Variants in GPR149 observed in about 807,000 individuals in gnomAD.
The protein encoded by GPR149 is probable G protein-coupled receptor 149.
GPR149 carries 50 observed loss-of-function variants against 50.2 expected under a neutral mutation model. The ratio of observed to expected loss-of-function variants is 1.00; its 90% CI spans 0.79 to 1.26. The LOEUF (loss-of-function observed/expected upper bound fraction) is 1.26, where lower values mean the gene tolerates loss of function less well. GPR149 is among the 50% of genes most tolerant of loss of function. The pLI, the probability that GPR149 is intolerant of heterozygous loss-of-function variation, is 0.00. For synonymous variants in GPR149, 405 were observed against 358.2 expected (o/e 1.13, Z -1.48); for missense variants, 983 against 895.4 (o/e 1.10, Z -1.25).
intron 3 of GPR149, among the ~76,000 whole-genome samples, chr3:154,381,290 C>T (rs191914651): frequency 1.3e-4 from 20 of 152,236 alleles, no homozygotes; most frequent in East Asian, 7.7e-4. Flanking sequence ...TGATCTCATC[C>T]GTTCCATTCA....
intron 3 of GPR149, chr3:154,352,218 G>T: frequency 1.1e-6 from 1 of 896,128 alleles, no homozygotes; most frequent in Non-Finnish European, 1.7e-6. Context: ...TCGACTTCCT[G>T]AGTGACTCCC....
intron 3 of GPR149, among the ~76,000 whole-genome samples, chr3:154,365,527 A>G (rs370017285): frequency 2.0e-5 from 3 of 152,174 alleles, no homozygotes; most frequent in Non-Finnish European, 2.9e-5. Context: ...AATTTTTTCA[A>G]ATCTTTACCT....
chr3:154,394,611 A>G (rs1233074834), intron 3 of GPR149, among the ~76,000 whole-genome samples: 1 of 152,198 alleles, frequency 6.6e-6, no homozygotes, highest in Non-Finnish European at 1.5e-5. Flanking sequence ...GGTAACCTAC[A>G]GAATAGAAGA....
intron 3 of GPR149, among the ~76,000 whole-genome samples, chr3:154,344,677 A>T (rs965787965): frequency 1.3e-5 from 2 of 152,176 alleles, no homozygotes; most frequent in African/African-American, 4.8e-5. Context: ...GAAGATGCAG[A>T]TAACAATTGG....
At chr3:154,421,631 A>T (rs1321034154) in intron 2 of GPR149, 144 bp from the exon 3 acceptor site, 5 of 500,204 alleles carry the variant, frequency 1.0e-5, no homozygotes, top group Non-Finnish European at 1.4e-5. Flanking sequence ...TTTGTCAGTT[A>T]TGCAAAGAAA....
intron 3 of GPR149, among the ~76,000 whole-genome samples, chr3:154,383,968 T>C (rs768820448): frequency 6.6e-6 from 1 of 152,144 alleles, no homozygotes; most frequent in Non-Finnish European, 1.5e-5. Context: ...TCTTGGACTT[T>C]CCAGCCTCCA....
In GPR149 at chr3:154,337,679, C is replaced by A; in HGVS notation, c.*20G>T. On this transcript the variant is annotated 3_prime_UTR_variant, in exon 4 of 4. Transcript: ENST00000389740. ...TTGACGTTGCAGATCCATTCTTGCT[C>A]CTGTTAGACCAAATACCCACTAACT... The A allele has an allele frequency of 6.5e-7, 1 of 1,531,432 alleles. No individual in the cohort carries two copies. Among genetic ancestry groups the A allele is most frequent in the Non-Finnish European group, 8.8e-7 (1 of 1,135,972 alleles). 94.9% of individuals were successfully genotyped at this position (1,531,432 alleles called of 1,614,324 possible). A position where few individuals can be genotyped will look rare whatever the true frequency, so the allele number is the denominator to read the frequency against.
At chr3:154,428,508 G>A in intron 1 of GPR149, 127 bp downstream of exon 1, 2 of 1,069,634 alleles carry the variant, frequency 1.9e-6, no homozygotes, top group Non-Finnish European at 2.7e-6. Context: ...AACCCAGCGA[G>A]ATACACTTGG....
rs767291931 is a variant in GPR149, at chr3:154,421,375, G to T, written c.1287C>A (p.Asn429Lys). Residue 429 changes from asparagine (N) to lysine (K), a missense_variant, in exon 3 of 4, where the codon AAC becomes AAA. Physicochemically the swap from Asn to Lys is moderately conservative, Grantham distance 94 (BLOSUM62 0). Transcript: ENST00000389740. ...DDDENSIFYH[N>K]LMNSECETTK... ...TAGTTTCACACTCAGAGTTCATCAG[G>T]TTGTGATAGAATATGGAATTTTCAT... 4 of 1,612,334 alleles carry T rather than the reference G, an allele frequency of 2.5e-6. No homozygotes were observed. The highest frequency in any genetic ancestry group is 1.3e-5 in the African/African-American group (1 of 74,816).
At chr3:154,373,551 C>T (rs1251692691) in intron 3 of GPR149, among the ~76,000 whole-genome samples, 1 of 152,272 alleles carries the variant, frequency 6.6e-6, no homozygotes. Context: ...AAAATCCTCT[C>T]TTGTTATGTT....
At chr3:154,358,586 A>G (rs1287408724) in intron 3 of GPR149, among the ~76,000 whole-genome samples, 1 of 152,194 alleles carries the variant, frequency 6.6e-6, no homozygotes, top group African/African-American at 2.4e-5. Context: ...AAATATATGA[A>G]ATCAAAGCCA....
intron 3 of GPR149, among the ~76,000 whole-genome samples, chr3:154,373,510 C>G (rs1019359418): frequency 6.6e-6 from 1 of 152,132 alleles, no homozygotes; most frequent in African/African-American, 2.4e-5. Context: ...AATTAAATAG[C>G]CTGTGTTTTA....
chr3:154,368,811 C>T (rs1358276987), intron 3 of GPR149, among the ~76,000 whole-genome samples: 2 of 152,180 alleles, frequency 1.3e-5, no homozygotes, highest in Non-Finnish European at 2.9e-5. Flanking sequence ...TTCAGAGATT[C>T]CTCCTTGAAG....
intron 3 of GPR149, among the ~76,000 whole-genome samples, chr3:154,351,885 T>C (rs1714089614): frequency 6.6e-6 from 1 of 152,204 alleles, no homozygotes; most frequent in Non-Finnish European, 1.5e-5. Flanking sequence ...TTTTCAAATG[T>C]CTTTAATTAT....
At chr3:154,382,052 G>T (rs1714940824) in intron 3 of GPR149, among the ~76,000 whole-genome samples, 1 of 152,108 alleles carries the variant, frequency 6.6e-6, no homozygotes, top group Non-Finnish European at 1.5e-5. Flanking sequence ...TTTCTACATA[G>T]TGAGTCAATC....
chr3:154,388,250 G>A (rs1487898799), intron 3 of GPR149, among the ~76,000 whole-genome samples: 3 of 151,808 alleles, frequency 2.0e-5, no homozygotes, highest in Admixed American at 2.0e-4. Context: ...AATTAGTTGT[G>A]AAAAATACAC....
intron 3 of GPR149, chr3:154,354,070 T>C: frequency 2.2e-6 from 1 of 462,250 alleles, no homozygotes; most frequent in Non-Finnish European, 4.1e-6. Context: ...TCCTATGAGA[T>C]TTAGAGAATT....
At chr3:154,353,656 C>G in intron 3 of GPR149, 1 of 1,369,568 alleles carries the variant, frequency 7.3e-7, no homozygotes, top group South Asian at 1.2e-5. Context: ...TCTTTGGCTA[C>G]TTGGTTTGCC....
chr3:154,344,547 C>T (rs1356684312), intron 3 of GPR149, among the ~76,000 whole-genome samples: 2 of 152,068 alleles, frequency 1.3e-5, no homozygotes, highest in Admixed American at 1.3e-4. Context: ...AGGGTTTTTG[C>T]AGGTGTAAGC....
Sources: allele counts gnomAD v4.1 joint callset (sites outside exome capture counted in the v4.1 genomes callset), GRCh38; gene constraint gnomAD v4.1.1; transcripts MANE v1.5; gene names NCBI Gene and HGNC (gene_info 2026-07-23, HGNC 2026-07-21).